ESRRG: variants seen among roughly 807,000 people sequenced by gnomAD.
ESRRG encodes estrogen related receptor gamma.
A neutral mutation model predicts 44.0 loss-of-function variants in ESRRG; 13 were observed. The observed-to-expected ratio is 0.30, with a 90% CI of 0.19 to 0.47. The LOEUF is 0.47. Ranked by LOEUF, ESRRG falls within the 20% of genes least tolerant of loss-of-function variation. ESRRG has a pLI of 1.00. For synonymous variants in ESRRG, 215 were observed against 214.6 expected (o/e 1.00, Z -0.02); for missense variants, 395 against 580.6 (o/e 0.68, Z 3.29).
intron 2 of ESRRG, among the ~76,000 whole-genome samples, chr1:216,910,000 C>T (rs1378661827): frequency 2.6e-5 from 4 of 152,056 alleles, no homozygotes; most frequent in Admixed American, 6.5e-5. Context: ...ATTTTTAAAA[C>T]ATTTTAGCTA....
At chr1:217,129,217 G>T (rs1262207158) in intron 1 of ESRRG, among the ~76,000 whole-genome samples, 1 of 152,082 alleles carries the variant, frequency 6.6e-6, no homozygotes, top group African/African-American at 2.4e-5. Flanking sequence ...ATATACAAAT[G>T]GTCAATAAGC....
chr1:216,687,525 A>G lies in ESRRG; in HGVS notation c.57-10034T>C, dbSNP rs1382765447. Among the ~76,000 whole-genome samples, 6 of 152,084 alleles carry G rather than the reference A, an allele frequency of 3.9e-5. No homozygotes were observed. The East Asian group carries it at 9.6e-4, about 24-fold the overall frequency. On this transcript the variant is annotated intron_variant, in intron 1 of 6. Transcript: ENST00000408911. ...CATTCCTTGATATGTCGGAAGCCCA[A>G]ATGCCACGTGGATTTGTAAGAGGAA...
intron 1 of ESRRG, among the ~76,000 whole-genome samples, chr1:217,071,614 C>G (rs944816863): frequency 6.6e-6 from 1 of 152,152 alleles, no homozygotes; most frequent in African/African-American, 2.4e-5. Context: ...TGACTAACTT[C>G]AATATTGGCA....
At chr1:217,043,929 A>G (rs2084356827) in intron 1 of ESRRG, among the ~76,000 whole-genome samples, 1 of 152,046 alleles carries the variant, frequency 6.6e-6, no homozygotes, top group Non-Finnish European at 1.5e-5. Flanking sequence ...TCTGAAGAAA[A>G]GAAAAAAAAA....
chr1:216,568,034 G>A lies in ESRRG; in HGVS notation c.654C>T (p.Asn218=). The change falls in exon 4 of 7, where the codon AAC becomes AAT. Residue 218 remains asparagine (N), a synonymous_variant. Transcript: ENST00000408911. ...CCAGCTGAGGGTTCAGGTATGGGCT[G>A]TTCTCCGCATCTATCCTGCGCTTGT... ...QKYKRRIDAE[N]SPYLNPQLVQ... 1.2e-6 allele frequency: 2 copies of A among 1,613,888 alleles called. No homozygotes were observed. Among genetic ancestry groups the A allele is most frequent in the South Asian group, 1.1e-5 (1 of 91,082 alleles).
At chr1:216,915,926 C>G (rs780303188) in intron 2 of ESRRG, among the ~76,000 whole-genome samples, 3 of 152,156 alleles carry the variant, frequency 2.0e-5, no homozygotes, top group African/African-American at 4.8e-5. Context: ...CATCCAAACT[C>G]TAGGAGATCT....
At chr1:216,864,448 C>G (rs549388879) in intron 2 of ESRRG, 2 of 151,590 alleles carry the variant, frequency 1.3e-5, no homozygotes, top group South Asian at 4.2e-4. Context: ...TTTTAAATGT[C>G]TGCTATTGGA....
intron 2 of ESRRG, among the ~76,000 whole-genome samples, chr1:216,832,335 A>T (rs1186437347): frequency 6.6e-6 from 1 of 152,184 alleles, no homozygotes; most frequent in Non-Finnish European, 1.5e-5. Flanking sequence ...GACGCTGCTA[A>T]GCTGAACTGA....
chr1:216,661,594 T>A (rs1366570291), intron 2 of ESRRG, among the ~76,000 whole-genome samples: 2 of 152,160 alleles, frequency 1.3e-5, no homozygotes, highest in Non-Finnish European at 2.9e-5. Context: ...ATTTGGATGA[T>A]ACCCTATATG....
At chr1:216,738,304 C>A (rs1410256428) in intron 2 of ESRRG, among the ~76,000 whole-genome samples, 5 of 152,080 alleles carry the variant, frequency 3.3e-5, no homozygotes, top group African/African-American at 1.2e-4. Context: ...TGACACAATG[C>A]TGAGAAACCA....
intron 2 of ESRRG, among the ~76,000 whole-genome samples, chr1:216,845,122 C>T (rs927478524): frequency 6.6e-6 from 1 of 152,068 alleles, no homozygotes; most frequent in African/African-American, 2.4e-5. Context: ...TACCAATGTA[C>T]GTACATATGT....
At chr1:216,551,501 A>C (rs909773794) in intron 5 of ESRRG, among the ~76,000 whole-genome samples, 1 of 152,180 alleles carries the variant, frequency 6.6e-6, no homozygotes, top group African/African-American at 2.4e-5. Context: ...TTAGATTTAA[A>C]TTAAATAATA....
chr1:217,087,055 GA>G (rs1395745691), intron 1 of ESRRG, among the ~76,000 whole-genome samples: 2 of 152,178 alleles, frequency 1.3e-5, no homozygotes, highest in East Asian at 1.9e-4. Context: ...TAGGGCATCA[GA>G]AAAGTTTTCT....
intron 2 of ESRRG, among the ~76,000 whole-genome samples, chr1:216,674,679 G>A (rs1408645501): frequency 7.0e-6 from 1 of 142,690 alleles, no homozygotes; most frequent in South Asian, 2.2e-4. Context: ...GTGCAATCAT[G>A]GCTCACTGCA....
chr1:216,953,511 A>G (rs11572467), intron 1 of ESRRG, among the ~76,000 whole-genome samples: 6 of 151,980 alleles, frequency 3.9e-5, no homozygotes, highest in Non-Finnish European at 5.9e-5. Flanking sequence ...TGCTCATGCC[A>G]ATGACCATAT....
chr1:216,639,354 C>A (rs114143300), intron 3 of ESRRG, among the ~76,000 whole-genome samples: 1 of 152,042 alleles, frequency 6.6e-6, no homozygotes, highest in Non-Finnish European at 1.5e-5. Flanking sequence ...TGTGCAGAAG[C>A]CTGGTTGGGG....
At chr1:216,777,005 CTT>C (rs2093639534) in intron 2 of ESRRG, among the ~76,000 whole-genome samples, 1 of 152,114 alleles carries the variant, frequency 6.6e-6, no homozygotes, top group African/African-American at 2.4e-5. Flanking sequence ...CTAGTCTTCT[CTT>C]AACCTTTTGA....
intron 2 of ESRRG, among the ~76,000 whole-genome samples, chr1:216,860,602 T>C (rs2576256): frequency 0.49 from 74,491 of 151,882 alleles, 20,665 homozygotes; most frequent in African/African-American, 0.76. Flanking sequence ...TGGAACAATA[T>C]ATTTAAAGAA....
chr1:216,514,640 T>C (rs1216701973), intron 6 of ESRRG, among the ~76,000 whole-genome samples: 2 of 152,074 alleles, frequency 1.3e-5, no homozygotes, highest in Non-Finnish European at 2.9e-5. Context: ...TTTAGAAACA[T>C]GTATATAATT....
Sources: gnomAD v4.1 joint callset for allele counts (sites outside exome capture counted in the v4.1 genomes callset) on GRCh38, gnomAD v4.1.1 for gene constraint, MANE v1.5 for transcripts, NCBI Gene and HGNC (gene_info 2026-07-23, HGNC 2026-07-21) for gene names.